Variants in DNAJB1 observed in about 807,000 individuals in gnomAD.
DNAJB1 encodes the protein dnaJ homolog subfamily B member 1.
In DNAJB1, 14 loss-of-function variants were observed where a neutral mutation model predicts 24.0. The ratio of observed to expected loss-of-function variants is 0.58; its 90% CI spans 0.39 to 0.91. The LOEUF (loss-of-function observed/expected upper bound fraction) is 0.91. Among genes scored for constraint, DNAJB1 ranks in the 40% least tolerant of loss-of-function variants. DNAJB1 has a pLI of 0.00. For missense variants in DNAJB1, 517 were observed against 458.1 expected (o/e 1.13, Z -1.17); for synonymous variants, 262 against 174.4 (o/e 1.50, Z -3.96).
intron 1 of DNAJB1, among the ~76,000 whole-genome samples, chr19:14,547,612 T>G (rs1264686402): frequency 1.3e-5 from 2 of 152,000 alleles, no homozygotes; most frequent in Non-Finnish European, 2.9e-5. Flanking sequence ...TCCACCTGCC[T>G]TGGCCTCCCA....
Position 14,516,471 on chromosome 19 carries a change from G to C in DNAJB1, c.787C>G (p.Arg263Gly), listed in dbSNP as rs756147811. The change falls in exon 2 of 3, where the codon CGG (arginine) becomes GGG (glycine). Residue 263 changes from arginine to glycine, a missense_variant. Coordinates refer to ENST00000254322, the MANE Select transcript of DNAJB1 (RefSeq NM_006145.3). ...DVIYPARISL[R>G]EALCGCTVNV... ...CGCCCCACCTGGCACCTTACCTCCCGGAGGCTGATCCTGGCAGGATAAATG... is the reference window on the plus strand; with the variant it reads ...CGCCCCACCTGGCACCTTACCTCCCCGAGGCTGATCCTGGCAGGATAAATG... 1 of 1,610,956 alleles carries C rather than the reference G, an allele frequency of 6.2e-7. No homozygotes were observed. The highest frequency in any genetic ancestry group is 8.5e-7 in the Non-Finnish European group (1 of 1,177,448).
At chr19:14,526,926 G>A (rs946736574) in intron 2 of DNAJB1, among the ~76,000 whole-genome samples, 10 of 152,056 alleles carry the variant, frequency 6.6e-5, no homozygotes, top group African/African-American at 2.2e-4. Context: ...GTCTCAGGCC[G>A]AGTGGGATGG....
chr19:14,535,505 TCAAAAAAAAAAAAAAA>T (rs2072832821), intron 1 of DNAJB1, among the ~76,000 whole-genome samples: 1 of 28,306 alleles, frequency 3.5e-5, no homozygotes, highest in African/African-American at 1.9e-4. Flanking sequence ...AGACTCCGTC[TCAAAAAAAAAAAAAAA>T]AAAAAAAAAA....
At chr19:14,558,285 C>T (rs1194001877) in intron 1 of DNAJB1, among the ~76,000 whole-genome samples, 2 of 152,108 alleles carry the variant, frequency 1.3e-5, no homozygotes, top group Non-Finnish European at 2.9e-5. Flanking sequence ...ACAACGAGAG[C>T]CCCCCTTTTC....
intron 1 of DNAJB1, 148 bp downstream of exon 1, chr19:14,517,991 G>C: frequency 1.1e-6 from 1 of 873,936 alleles, no homozygotes; most frequent in Non-Finnish European, 1.6e-6. Context: ...GCCAATCCGA[G>C]GGCGGAGGCC....
rs80188567 is a variant in DNAJB1 at position 14,555,629 on chromosome 19, C to T, written c.-2165-1311G>A. On this transcript the variant is annotated intron_variant, in intron 1 of 5. Coordinates refer to the DNAJB1 transcript ENST00000679223. ...CTTGGCTAATTTTTGTGTTTTTACA[C>T]GGGGTTTTACCATGTTGGCCAGGCT... Among the ~76,000 whole-genome samples, 432 of 151,668 alleles carry T rather than the reference C, an allele frequency of 2.8e-3. 4 individuals are homozygous for T. The highest frequency in any genetic ancestry group is 9.9e-3 in the African/African-American group (411 of 41,358).
At chr19:14,526,174 CTT>C (rs1244698368) in intron 2 of DNAJB1, among the ~76,000 whole-genome samples, 1 of 152,212 alleles carries the variant, frequency 6.6e-6, no homozygotes, top group Non-Finnish European at 1.5e-5. Flanking sequence ...TAGGCCGTCT[CTT>C]GCAGTTTCTC....
chr19:14,547,882 G>T (rs533518996), intron 1 of DNAJB1, among the ~76,000 whole-genome samples: 1 of 151,462 alleles, frequency 6.6e-6, no homozygotes, highest in East Asian at 1.9e-4. Context: ...GGTTGGTCTT[G>T]GGTCTTGGGT....
In DNAJB1 at chr19:14,516,632, T is replaced by G. The variant is rs1156338465; in HGVS notation, c.626A>C (p.Lys209Thr). ...NEDKILTIEV[K>T]KGWKEGTKIT... ...TTTGGTTCCTTCTTTCCACCCCTTC[T>G]TCACTTCGATGGTCAATATTTTGTC... is the stretch of plus-strand genomic sequence containing the variant. Residue 209 changes from lysine (K) to threonine (T), a missense_variant, in exon 2 of 3, where the codon AAG becomes ACG. Physicochemically the swap from Lys to Thr is moderately conservative, Grantham distance 78. Transcript: ENST00000254322. 12 of 1,614,242 alleles carry G rather than the reference T, an allele frequency of 7.4e-6. No homozygotes were observed. The highest frequency in any genetic ancestry group is 1.0e-5 in the Non-Finnish European group (12 of 1,180,048).
chr19:14,516,943 G>T lies in DNAJB1; in HGVS notation c.315C>A (p.Phe105Leu). 2 of 1,613,824 alleles carry T rather than the reference G, an allele frequency of 1.2e-6. No individual in the cohort carries two copies. The highest frequency in any genetic ancestry group is 2.2e-5 in the East Asian group (1 of 44,882). ...TGTCAAAGGGATTTCTGCCACCGAA[G>T]AACTCAGCAAACATGGCATGAGGGT... ...HGDPHAMFAE[F>L]FGGRNPFDTF... Residue 105 changes from phenylalanine (F) to leucine (L), a missense_variant, in exon 2 of 3, where the codon TTC becomes TTA. By Grantham distance (22) the Phe-to-Leu change is conservative. Transcript: ENST00000254322.
chr19:14,543,531 C>T (rs1478313581), intron 1 of DNAJB1, among the ~76,000 whole-genome samples: 5 of 138,834 alleles, frequency 3.6e-5, no homozygotes, highest in South Asian at 2.3e-4. Flanking sequence ...CTCCGTCTCC[C>T]GGGTTCACGC....
chr19:14,550,929 C>T (rs2073477447), upstream of DNAJB1, among the ~76,000 whole-genome samples: 1 of 152,020 alleles, frequency 6.6e-6, no homozygotes, highest in Non-Finnish European at 1.5e-5. Flanking sequence ...ACCTTGGCCT[C>T]CCAGAGTACT....
chr19:14,552,611 T>C (rs1206805612), upstream of DNAJB1, among the ~76,000 whole-genome samples: 2 of 152,058 alleles, frequency 1.3e-5, no homozygotes, highest in East Asian at 1.9e-4. Context: ...TCTGGCTCAC[T>C]GCAAGCTCCG....
At chr19:14,555,450 T>TC (rs2073688912) in intron 1 of DNAJB1, among the ~76,000 whole-genome samples, 1 of 138,054 alleles carries the variant, frequency 7.2e-6, no homozygotes, top group African/African-American at 2.7e-5. Flanking sequence ...TTTTTTTTTT[T>TC]TTTTTTTTTT....
At chr19:14,547,115 AAG>A (rs58601549) in intron 1 of DNAJB1, among the ~76,000 whole-genome samples, 32,593 of 152,096 alleles carry the variant, frequency 0.21, 5,011 homozygotes, top group African/African-American at 0.44. Context: ...TCAAAGCAAA[AAG>A]AGAGCCAATG....
chr19:14,542,474 G>T (rs1388915522), intron 1 of DNAJB1, among the ~76,000 whole-genome samples: 1 of 145,820 alleles, frequency 6.9e-6, no homozygotes, highest in Admixed American at 7.2e-5. Flanking sequence ...CAATTCTCCT[G>T]CCTCAGCCTC....
chr19:14,534,750 T>C (rs1015849042), upstream of DNAJB1, among the ~76,000 whole-genome samples: 1 of 152,078 alleles, frequency 6.6e-6, no homozygotes, highest in Admixed American at 6.6e-5. Flanking sequence ...GGGTGAGTCT[T>C]ATTAGCACCT....
At chr19:14,556,061 G>C (rs1387569482) in intron 1 of DNAJB1, among the ~76,000 whole-genome samples, 1 of 152,132 alleles carries the variant, frequency 6.6e-6, no homozygotes, top group African/African-American at 2.4e-5. Flanking sequence ...TTCACTCAGA[G>C]TAAAAGCTAA....
In DNAJB1 at chr19:14,516,127, C is replaced by T; in HGVS notation, c.836G>A (p.Arg279Lys). Reference sequence around the variant, plus strand: ...ATCTTTGAATACGACGGGTATCGTCCTGCCGTCCAGAGTGGGGACGTTCAC... The same window carrying T: ...ATCTTTGAATACGACGGGTATCGTCTTGCCGTCCAGAGTGGGGACGTTCAC... ...CTVNVPTLDG[R>K]TIPVVFKDVI... The change falls in exon 3 of 3, where the codon AGG becomes AAG. Residue 279 changes from arginine to lysine, a missense_variant. Physicochemically the swap from Arg to Lys is conservative, Grantham distance 26. Transcript: ENST00000254322. The T allele has an allele frequency of 6.2e-7, 1 of 1,613,630 alleles. No individual in the cohort carries two copies. Among genetic ancestry groups the T allele is most frequent in the African/African-American group, 1.3e-5 (1 of 74,942 alleles).
Sources: gnomAD v4.1 joint callset for allele counts (sites outside exome capture counted in the v4.1 genomes callset) on GRCh38, gnomAD v4.1.1 for gene constraint, MANE v1.5 for transcripts, NCBI Gene and HGNC (gene_info 2026-07-23, HGNC 2026-07-21) for gene names.